Variants in WASL observed in about 807,000 individuals in gnomAD.
The protein encoded by WASL is actin nucleation-promoting factor WASL.
In WASL, 20 loss-of-function variants were observed where a neutral mutation model predicts 55.5. The observed-to-expected ratio is 0.36, with a 90% confidence interval of 0.25 to 0.52. The LOEUF (loss-of-function observed/expected upper bound fraction) is 0.52, where lower values mean the gene tolerates loss of function less well. Ranked by LOEUF, WASL falls within the 20% of genes least tolerant of loss-of-function variation. The probability of loss-of-function intolerance (pLI) is 0.92; values close to 1 mark genes in which losing one functional copy is unlikely to be tolerated. For synonymous variants in WASL, 249 were observed against 217.6 expected (o/e 1.14, Z -1.27); for missense variants, 504 against 622.5 (o/e 0.81, Z 2.03).
intron 5 of WASL, among the ~76,000 whole-genome samples, chr7:123,697,666 C>T (rs1248321509): frequency 6.6e-6 from 1 of 152,146 alleles, no homozygotes; most frequent in Non-Finnish European, 1.5e-5. Flanking sequence ...ATACTATCAT[C>T]GTTGTGTAGA....
chr7:123,714,137 T>TA (rs1803801331), intron 1 of WASL, among the ~76,000 whole-genome samples: 1 of 152,080 alleles, frequency 6.6e-6, no homozygotes, highest in Non-Finnish European at 1.5e-5. Context: ...TCTAAATAAT[T>TA]AAAGTAGCAA....
Position 123,748,842 on chromosome 7 carries a change from C to T in WASL, c.-108G>A. 1.1e-6 allele frequency: 1 copy of T among 901,132 alleles called. No homozygotes were observed. The allele number at this position is 901,132 out of a possible 1,614,324, so 55.8% of individuals were successfully genotyped here. On this transcript the variant is annotated 5_prime_UTR_variant, in exon 1 of 11. An upstream open reading frame in the 5' UTR gains an earlier in-frame stop. Transcript: ENST00000223023. The stretch of plus-strand genomic sequence containing the variant: ...GCGGGGAGAAGTGGAGTCAGAGGCG[C>T]CACATCTCGCAGCTCCTCCGGAGCG...
chr7:123,730,188 T>TA (rs1804114377), intron 1 of WASL, among the ~76,000 whole-genome samples: 1 of 152,186 alleles, frequency 6.6e-6, no homozygotes, highest in African/African-American at 2.4e-5. Context: ...TTGTTACTGA[T>TA]ACGCCTAGCA....
chr7:123,728,551 A>C (rs962679420), intron 1 of WASL, among the ~76,000 whole-genome samples: 4 of 152,170 alleles, frequency 2.6e-5, no homozygotes, highest in African/African-American at 9.7e-5. Flanking sequence ...CCAATAAAAC[A>C]TTAATGTCAG....
intron 5 of WASL, among the ~76,000 whole-genome samples, chr7:123,702,183 G>C (rs935319049): frequency 6.6e-6 from 1 of 151,892 alleles, no homozygotes; most frequent in Non-Finnish European, 1.5e-5. Context: ...AGCCTCCCGA[G>C]TAGCTGGGAT....
chr7:123,683,115 T>C lies in WASL; in HGVS notation c.*1404A>G, dbSNP rs909833451. On this transcript the variant is annotated 3_prime_UTR_variant, in exon 11 of 11. Coordinates refer to ENST00000223023, the MANE Select transcript of WASL (RefSeq NM_003941.4). ...CAATTCTAGATAGCGTAATTTTTAG[T>C]TGGATATTGTGACTATAGTAATGAA... 2.0e-5 allele frequency: 3 copies of C among 152,076 alleles called. No individual in the cohort carries two copies. Among genetic ancestry groups the C allele is most frequent in the African/African-American group, 7.2e-5 (3 of 41,428 alleles). The allele number at this position is 152,076 out of a possible 1,614,324, so 9.4% of individuals were successfully genotyped here. A position where few individuals can be genotyped will look rare whatever the true frequency, so the allele number is the denominator to read the frequency against.
At chr7:123,702,087 T>C (rs537731302) in intron 5 of WASL, among the ~76,000 whole-genome samples, 2 of 152,154 alleles carry the variant, frequency 1.3e-5, no homozygotes, top group African/African-American at 4.8e-5. Flanking sequence ...GGAGTCTTGC[T>C]CTTTTTGCCC....
At chr7:123,701,085 G>A (rs1803582131) in intron 5 of WASL, among the ~76,000 whole-genome samples, 1 of 152,110 alleles carries the variant, frequency 6.6e-6, no homozygotes, top group South Asian at 2.1e-4. Flanking sequence ...ACCTGTTTAA[G>A]GTATAGAGCC....
rs1038708310 is a variant in WASL at position 123,720,882 on chromosome 7, A to G, written c.118-11659T>C. Reference sequence around the variant, plus strand: ...GATTTAAAATATATACACGTTAAAAAAAAAAGACCTACTCAAATCACATTA... The same window carrying G: ...GATTTAAAATATATACACGTTAAAAGAAAAAGACCTACTCAAATCACATTA... On this transcript the variant is annotated intron_variant, in intron 1 of 10. Coordinates refer to ENST00000223023, the MANE Select transcript of WASL (RefSeq NM_003941.4). Among the ~76,000 whole-genome samples, 5 of 152,158 alleles carry G rather than the reference A, an allele frequency of 3.3e-5. No homozygotes were observed. The East Asian group carries it at 7.7e-4, about 23-fold the overall frequency.
intron 1 of WASL, among the ~76,000 whole-genome samples, chr7:123,734,159 T>A (rs890180694): frequency 2.6e-5 from 4 of 152,122 alleles, no homozygotes; most frequent in Non-Finnish European, 5.9e-5. Context: ...AATTAAAAAC[T>A]TCTTTCTGTG....
chr7:123,692,423 T>C lies in WASL; in HGVS notation c.1271A>G (p.Gln424Arg), dbSNP rs1455465499. The C allele has an allele frequency of 1.9e-6, 3 of 1,614,090 alleles. No homozygotes were observed. Among genetic ancestry groups the C allele is most frequent in the African/African-American group, 2.7e-5 (2 of 74,946 alleles). ...REGAQLKKVE[Q>R]NSRPVSCSGR... ...AGAGCAGGACACTGGCCGACTGTTC[T>C]GCTCCACTTTTTTTAGCTGAGCACC... is the stretch of plus-strand genomic sequence containing the variant. Residue 424 changes from glutamine (Q) to arginine (R), a missense_variant, in exon 9 of 11, where the codon CAG becomes CGG. Around this residue, in one of 5 missense-constraint regions of WASL, gnomAD observed 201 missense variants for 206.2 expected, o/e 0.97. Transcript: ENST00000223023.
rs777388638 is a variant in WASL, at chr7:123,696,575, T to A, written c.629+4A>T. On this transcript the variant is annotated splice_donor_region_variant and intron_variant, in intron 6 of 10. Coordinates refer to ENST00000223023, the MANE Select transcript of WASL (RefSeq NM_003941.4). Reference sequence around the variant, plus strand: ...AGATAAGAACAACAAAAGAACTGTCTTACTGGAAATTGCTTGGTGTTCCTA... The same window carrying A: ...AGATAAGAACAACAAAAGAACTGTCATACTGGAAATTGCTTGGTGTTCCTA... The A allele has an allele frequency of 1.9e-6, 3 of 1,568,854 alleles. No individual in the cohort carries two copies. Among genetic ancestry groups the A allele is most frequent in the African/African-American group, 2.8e-5 (2 of 72,580 alleles).
At chr7:123,684,755 AT>A (rs1282961439) in intron 10 of WASL, among the ~76,000 whole-genome samples, 175 bp from the exon 11 acceptor site, 1 of 152,028 alleles carries the variant, frequency 6.6e-6, no homozygotes, top group Non-Finnish European at 1.5e-5. Flanking sequence ...ATAGAGTATG[AT>A]AGTAAACTAA....
chr7:123,701,449 G>A (rs1477667026), intron 5 of WASL, among the ~76,000 whole-genome samples: 1 of 152,186 alleles, frequency 6.6e-6, no homozygotes, highest in Non-Finnish European at 1.5e-5. Flanking sequence ...AGAGGCCTCT[G>A]ATGTCAAGCA....
Position 123,706,364 on chromosome 7 carries a change from C to T in WASL, c.349G>A (p.Val117Ile), listed in dbSNP as rs374065985. 9 of 1,613,048 alleles carry T rather than the reference C, an allele frequency of 5.6e-6. No homozygotes were observed. The African/African-American group carries it at 6.7e-5, about 12-fold the overall frequency. Residue 117 changes from valine (V) to isoleucine (I), a missense_variant, in exon 4 of 11, where the codon GTT (valine) becomes ATT (isoleucine). Transcript: ENST00000223023. ...FHTFAGDTCQ[V>I]ALNFANEEEA... ...TCTTCATTGGCAAAATTAAGAGCAA[C>T]TTGACAAGTCTGAAATATTTTCATC...
intron 3 of WASL, 63 bp from the exon 4 acceptor site, chr7:123,706,436 A>C: frequency 1.4e-6 from 2 of 1,434,406 alleles, no homozygotes; most frequent in Non-Finnish European, 9.7e-7. Flanking sequence ...TATATCATAA[A>C]AACAATGAGG....
chr7:123,706,621 CA>C (rs889185068), intron 3 of WASL, 118 bp downstream of exon 3: 9 of 884,224 alleles, frequency 1.0e-5, no homozygotes, highest in African/African-American at 7.1e-5. Flanking sequence ...TCATCTTCAG[CA>C]AAAAAATAAA....
chr7:123,731,350 G>T (rs935309520), intron 1 of WASL, among the ~76,000 whole-genome samples: 2 of 152,118 alleles, frequency 1.3e-5, no homozygotes, highest in Admixed American at 1.3e-4. Flanking sequence ...AATATAGATA[G>T]ATCCTCTATT....
chr7:123,684,510 A>T lies in WASL; in HGVS notation c.*9T>A. 2.8e-6 allele frequency: 2 copies of T among 707,590 alleles called. No individual in the cohort carries two copies. Among genetic ancestry groups the T allele is most frequent in the Non-Finnish European group, 4.6e-6 (2 of 433,206 alleles). 43.8% of individuals were successfully genotyped at this position (707,590 alleles called of 1,614,324 possible). On this transcript the variant is annotated 3_prime_UTR_variant, in exon 11 of 11. Coordinates refer to ENST00000223023, the MANE Select transcript of WASL (RefSeq NM_003941.4). ...CCTTAAAAATATATATATATATATAATATATAGATCAGTCTTCCCACTCAT... is the reference window on the plus strand; with the variant it reads ...CCTTAAAAATATATATATATATATATTATATAGATCAGTCTTCCCACTCAT...
Sources: allele counts gnomAD v4.1 joint callset (sites outside exome capture counted in the v4.1 genomes callset), GRCh38; gene constraint gnomAD v4.1.1; regional missense constraint gnomAD v4.1.1; transcripts MANE v1.5; gene names NCBI Gene and HGNC (gene_info 2026-07-23, HGNC 2026-07-21).